The following FBXW7 variants were observed in gnomAD, a reference collection of about 807,000 sequenced individuals.
The protein encoded by FBXW7 is F-box/WD repeat-containing protein 7.
A neutral mutation model predicts 86.3 loss-of-function variants in FBXW7; 11 were observed. The observed-to-expected ratio is 0.13, with a 90% CI of 0.08 to 0.21. The LOEUF is 0.21. Ranked by LOEUF, FBXW7 falls within the 10% of genes least tolerant of loss-of-function variation. FBXW7 has a pLI of 1.00. For missense variants in FBXW7, 488 were observed against 847.4 expected, an observed-to-expected ratio of 0.58 and a Z score of 5.27; for synonymous variants, 313 against 297.9, an observed-to-expected ratio of 1.05 and a Z score of -0.52.
chr4:152,455,335 T>C (rs1742308241), intron 2 of FBXW7, among the ~76,000 whole-genome samples: 1 of 152,190 alleles, frequency 6.6e-6, no homozygotes, highest in Non-Finnish European at 1.5e-5. Flanking sequence ...AAGGATCTCC[T>C]TCACTTCAGT....
chr4:152,411,121 TTATCAG>T, intron 4 of FBXW7, 176 bp downstream of exon 4: 1 of 1,012,874 alleles, frequency 9.9e-7, no homozygotes, highest in African/African-American at 1.6e-5. Context: ...GATTGTCCCA[TTATCAG>T]TATTTCTACT....
intron 2 of FBXW7, among the ~76,000 whole-genome samples, chr4:152,516,979 C>T (rs1183919873): frequency 1.3e-5 from 2 of 152,198 alleles, no homozygotes; most frequent in Admixed American, 6.5e-5. Context: ...GCAAGTGCCA[C>T]TACACCCAGC....
intron 2 of FBXW7, among the ~76,000 whole-genome samples, chr4:152,469,158 T>C (rs1013385351): frequency 3.3e-5 from 5 of 152,044 alleles, no homozygotes; most frequent in African/African-American, 1.2e-4. Flanking sequence ...TAATCTGCTA[T>C]TGACTATATT....
intron 2 of FBXW7, among the ~76,000 whole-genome samples, chr4:152,532,941 CT>C (rs1211366642): frequency 6.6e-6 from 1 of 152,164 alleles, no homozygotes; most frequent in African/African-American, 2.4e-5. Flanking sequence ...AATCCCAGCA[CT>C]TTGGGAGGCC....
rs544836496 is a variant in FBXW7 at position 152,488,390 on chromosome 4, T to C, written c.-120+46551A>G. 1.1e-4 allele frequency among the ~76,000 whole-genome samples: 17 copies of C among 152,214 alleles called. No homozygotes were observed. In the South Asian group the frequency reaches 3.5e-3, roughly 32 times the overall value. The stretch of plus-strand genomic sequence containing the variant: ...CTTTCACTTCACTTGTCTAACATAA[T>C]CATGAATTGAAATAAGAACTCTCAG... On this transcript the variant is annotated intron_variant, in intron 2 of 13. Coordinates refer to ENST00000281708, the MANE Select transcript of FBXW7 (RefSeq NM_001349798.2).
intron 2 of FBXW7, among the ~76,000 whole-genome samples, chr4:152,481,582 T>C (rs1744879365): frequency 6.6e-6 from 1 of 152,200 alleles, no homozygotes; most frequent in Non-Finnish European, 1.5e-5. Context: ...TTGAAAGCCT[T>C]CTGGGAAGGA....
chr4:152,356,708 T>C (rs2126679555), intron 4 of FBXW7, among the ~76,000 whole-genome samples: 1 of 152,318 alleles, frequency 6.6e-6, no homozygotes, highest in South Asian at 2.1e-4. Flanking sequence ...CTTTCTGGGA[T>C]GTGAGTGCTT....
chr4:152,327,869 G>A (rs1192026410), intron 11 of FBXW7, among the ~76,000 whole-genome samples: 1 of 151,666 alleles, frequency 6.6e-6, no homozygotes, highest in Admixed American at 6.6e-5. Context: ...TCCCACTTGC[G>A]GAAATAAGAA....
rs182954742 is a variant in FBXW7 at position 152,335,420 on chromosome 4, A to T, written c.861+2382T>A. Among the ~76,000 whole-genome samples the T allele has an allele frequency of 3.5e-4, 54 of 152,164 alleles. No homozygotes were observed. The East Asian group carries it at 0.01, about 28-fold the overall frequency. ...GAGTTTGAGGCTGCAGTGAGCTATG[A>T]TCATTCCACTGCATCCCAGCCTGGG... On this transcript the variant is annotated intron_variant, in intron 7 of 13. Transcript: ENST00000281708.
At chr4:152,398,792 T>TA (rs1424987093) in intron 4 of FBXW7, among the ~76,000 whole-genome samples, 5 of 152,014 alleles carry the variant, frequency 3.3e-5, no homozygotes, top group African/African-American at 9.7e-5. Flanking sequence ...AGGCCAAAGA[T>TA]AGAATTGAGA....
intron 2 of FBXW7, among the ~76,000 whole-genome samples, chr4:152,476,671 C>T (rs7660590): frequency 0.36 from 54,732 of 151,936 alleles, 10,453 homozygotes; most frequent in African/African-American, 0.49. Flanking sequence ...TCACTATCTT[C>T]TGTCAGATAA....
intron 2 of FBXW7, among the ~76,000 whole-genome samples, chr4:152,440,882 C>T (rs1299361152): frequency 6.6e-6 from 1 of 151,882 alleles, no homozygotes; most frequent in Non-Finnish European, 1.5e-5. Context: ...AGGTTCAATA[C>T]TGTAACATTC....
intron 2 of FBXW7, among the ~76,000 whole-genome samples, chr4:152,529,770 C>T (rs904469676): frequency 6.6e-5 from 10 of 152,018 alleles, no homozygotes; most frequent in African/African-American, 2.4e-4. Flanking sequence ...AGTTAAGAGA[C>T]CAGCCTGGGC....
intron 2 of FBXW7, among the ~76,000 whole-genome samples, chr4:152,497,238 A>G (rs1420433069): frequency 6.8e-6 from 1 of 147,620 alleles, no homozygotes; most frequent in Non-Finnish European, 1.5e-5. Flanking sequence ...CAGGAGAATC[A>G]CTTGAACCCG....
intron 2 of FBXW7, among the ~76,000 whole-genome samples, chr4:152,473,720 C>A (rs1265190535): frequency 6.6e-6 from 1 of 152,016 alleles, no homozygotes; most frequent in African/African-American, 2.4e-5. Context: ...CTTTTTAAGT[C>A]AGTCTAACTC....
intron 13 of FBXW7, 76 bp from the exon 14 acceptor site, chr4:152,323,225 C>A (rs1319212676): frequency 4.8e-6 from 7 of 1,460,026 alleles, no homozygotes; most frequent in Non-Finnish European, 6.5e-6. Context: ...AATTTGTAGA[C>A]TTCTACTTTA....
intron 2 of FBXW7, among the ~76,000 whole-genome samples, chr4:152,510,028 A>G (rs1002930757): frequency 8.5e-5 from 13 of 152,238 alleles, no homozygotes; most frequent in Admixed American, 7.9e-4. Context: ...ATAAAGGGAA[A>G]TAACACTTAC....
intron 11 of FBXW7, among the ~76,000 whole-genome samples, 184 bp from the exon 12 acceptor site, chr4:152,326,415 G>T (rs1283928912): frequency 6.7e-6 from 1 of 149,282 alleles, no homozygotes; most frequent in Admixed American, 6.7e-5. Context: ...AACATAATAA[G>T]GGAATGGGAA....
intron 4 of FBXW7, among the ~76,000 whole-genome samples, chr4:152,351,920 T>C (rs1233053504): frequency 2.0e-5 from 3 of 152,164 alleles, no homozygotes; most frequent in African/African-American, 7.2e-5. Flanking sequence ...AAAAATATTT[T>C]ATAAAGGAAA....
Sources: allele counts gnomAD v4.1 joint callset (sites outside exome capture counted in the v4.1 genomes callset), GRCh38; gene constraint gnomAD v4.1.1; transcripts MANE v1.5; gene names NCBI Gene and HGNC (gene_info 2026-07-23, HGNC 2026-07-21).